The following SH3RF3 variants were observed in gnomAD, a reference collection of about 807,000 sequenced individuals.
SH3RF3 encodes the protein SH3 domain containing ring finger 3.
SH3RF3 carries 29 observed loss-of-function variants against 66.3 expected under a neutral mutation model. That is an observed-to-expected ratio of 0.44 (90% CI 0.33 to 0.60). SH3RF3 has a LOEUF of 0.60. Ranked by LOEUF, SH3RF3 falls within the 20% of genes least tolerant of loss-of-function variation. The pLI, the probability that SH3RF3 is intolerant of heterozygous loss-of-function variation, is 0.04. For missense variants in SH3RF3, 1,194 were observed against 1,190.9 expected, an observed-to-expected ratio of 1.00 and a Z score of -0.04; for synonymous variants, 583 against 532.0, an observed-to-expected ratio of 1.10 and a Z score of -1.32.
intron 7 of SH3RF3, among the ~76,000 whole-genome samples, chr2:109,437,982 A>G (rs952760346): frequency 6.6e-6 from 1 of 152,162 alleles, no homozygotes; most frequent in Non-Finnish European, 1.5e-5. Flanking sequence ...TCCCACCCCA[A>G]CCCTGTCCTC....
At chr2:109,184,271 C>T (rs950560242) in intron 1 of SH3RF3, among the ~76,000 whole-genome samples, 1 of 152,198 alleles carries the variant, frequency 6.6e-6, no homozygotes, top group Non-Finnish European at 1.5e-5. Flanking sequence ...AAGCAGTGTT[C>T]AACTCTGTTC....
chr2:109,168,113 C>T (rs1021704649), intron 1 of SH3RF3, among the ~76,000 whole-genome samples: 4 of 152,124 alleles, frequency 2.6e-5, no homozygotes, highest in South Asian at 2.1e-4. Context: ...TTTTATGATG[C>T]GTTGAGTGCC....
rs549198832 is a variant in SH3RF3, at chr2:109,271,340, A to G, written c.574-76334A>G. Reference sequence around the variant, plus strand: ...CTTCCTCAGAGACACAGCTCCTCCCAGGAGGAACCTAGAGGGATGTGCAAA... The same window carrying G: ...CTTCCTCAGAGACACAGCTCCTCCCGGGAGGAACCTAGAGGGATGTGCAAA... On this transcript the variant is annotated intron_variant, in intron 1 of 9. Coordinates refer to ENST00000309415, the MANE Select transcript of SH3RF3 (RefSeq NM_001099289.3). Among the ~76,000 whole-genome samples, 6 of 152,348 alleles carry G rather than the reference A, an allele frequency of 3.9e-5. No homozygotes were observed. The East Asian group carries it at 1.2e-3, about 29-fold the overall frequency.
rs1676825894 is a variant in SH3RF3 at position 109,419,867 on chromosome 2, G to A, written c.1403+225G>A. On this transcript the variant is annotated intron_variant, in intron 5 of 9. Transcript: ENST00000309415. ...CTAGGACATTTCTTCTAAGCAGGGA[G>A]GATATTCAGAGTATTCACAGTGCAG... is the stretch of plus-strand genomic sequence containing the variant. Among the ~76,000 whole-genome samples, 5 of 152,242 alleles carry A rather than the reference G, an allele frequency of 3.3e-5. No individual in the cohort carries two copies. The South Asian group carries it at 1.0e-3, about 31-fold the overall frequency.
chr2:109,479,763 CCA>C (rs1053073218), intron 8 of SH3RF3, among the ~76,000 whole-genome samples: 1 of 152,178 alleles, frequency 6.6e-6, no homozygotes, highest in African/African-American at 2.4e-5. Context: ...AGCCAATTAT[CCA>C]CACTGCTCTT....
chr2:109,310,646 A>T (rs1445629483), intron 1 of SH3RF3, among the ~76,000 whole-genome samples: 1 of 63,142 alleles, frequency 1.6e-5, no homozygotes, highest in Non-Finnish European at 2.6e-5. Context: ...ACAATAAAAA[A>T]TGATAAAGGG....
intron 9 of SH3RF3, among the ~76,000 whole-genome samples, chr2:109,492,247 G>A (rs1679148073): frequency 6.6e-6 from 1 of 152,182 alleles, no homozygotes; most frequent in Non-Finnish European, 1.5e-5. Context: ...TTCAAAATGT[G>A]ACAACATTCA....
chr2:109,393,113 A>T (rs1320286537), intron 3 of SH3RF3, among the ~76,000 whole-genome samples: 1 of 152,212 alleles, frequency 6.6e-6, no homozygotes, highest in Non-Finnish European at 1.5e-5. Context: ...CAAAAGCTTC[A>T]GGCAGGCAAA....
chr2:109,248,887 T>TTCCTG (rs149003864), intron 1 of SH3RF3, among the ~76,000 whole-genome samples: 33 of 145,964 alleles, frequency 2.3e-4, no homozygotes, highest in South Asian at 1.4e-3. Context: ...TTCCTGTCCT[T>TTCCTG]TCCTGTCCTG....
In SH3RF3 at chr2:109,419,533, T is replaced by C; in HGVS notation, c.1300-6T>C. ...CTCACTCCTGTCCCCTCTTGTCTGT[T>C]TCCAGGATGTCTCCTCCTCGGCGGG... is the stretch of plus-strand genomic sequence containing the variant. On this transcript the variant is annotated splice_polypyrimidine_tract_variant and splice_region_variant and intron_variant, in intron 4 of 9. Coordinates refer to ENST00000309415, the MANE Select transcript of SH3RF3 (RefSeq NM_001099289.3). 6.3e-7 allele frequency: 1 copy of C among 1,588,250 alleles called. No homozygotes were observed. The highest frequency in any genetic ancestry group is 1.3e-5 in the African/African-American group (1 of 74,610).
Position 109,309,931 on chromosome 2 carries a change from A to G in SH3RF3, c.574-37743A>G, listed in dbSNP as rs1196434016. Among the ~76,000 whole-genome samples, 2 of 123,312 alleles carry G rather than the reference A, an allele frequency of 1.6e-5. 1 individual carries two copies. Among genetic ancestry groups the G allele is most frequent in the African/African-American group, 8.3e-5 (2 of 24,172 alleles). 80.9% of individuals were successfully genotyped at this position (123,312 alleles called of 152,430 possible). ...CCCACTGTCAACATTAGACAGATCA[A>G]CGAGACAGAAAGTCAACAAGGATAC... On this transcript the variant is annotated intron_variant, in intron 1 of 9. Coordinates refer to ENST00000309415, the MANE Select transcript of SH3RF3 (RefSeq NM_001099289.3).
At position 109,249,580 on chromosome 2, in the gene SH3RF3, CTTCCT is replaced by C. The variant is rs1553491281; in HGVS notation, c.574-98085_574-98081del. Among the ~76,000 whole-genome samples the C allele has an allele frequency of 1.1e-3, 112 of 102,632 alleles. 1 individual carries two copies. Among genetic ancestry groups the C allele is most frequent in the South Asian group, 2.2e-3 (8 of 3,568 alleles). The allele number at this position is 102,632 out of a possible 152,430, so 67.3% of individuals were successfully genotyped here. ...CCTTCCTTCCTTCCTTCCTTCCTTC[CTTCCT>C]TTCCTTTCTTTCTTTTTCTTTCTTT... is the stretch of plus-strand genomic sequence containing the variant. On this transcript the variant is annotated intron_variant, in intron 1 of 9. Coordinates refer to ENST00000309415, the MANE Select transcript of SH3RF3 (RefSeq NM_001099289.3).
At chr2:109,375,737 A>G (rs1397419977) in intron 3 of SH3RF3, among the ~76,000 whole-genome samples, 2 of 152,230 alleles carry the variant, frequency 1.3e-5, no homozygotes, top group Non-Finnish European at 2.9e-5. Flanking sequence ...GCACCCCTGC[A>G]GCCCCCCTCT....
intron 8 of SH3RF3, among the ~76,000 whole-genome samples, chr2:109,487,132 A>G (rs1319421761): frequency 6.6e-6 from 1 of 152,186 alleles, no homozygotes; most frequent in African/African-American, 2.4e-5. Context: ...GCTCCTGAAC[A>G]TTGCTTGCTT....
chr2:109,307,655 T>C (rs1681629928), intron 1 of SH3RF3, among the ~76,000 whole-genome samples: 1 of 142,008 alleles, frequency 7.0e-6, no homozygotes, highest in South Asian at 2.3e-4. Context: ...TTCCCACCTA[T>C]GAGTGAGAAT....
chr2:109,143,497 C>CT (rs1677014786), intron 1 of SH3RF3, among the ~76,000 whole-genome samples: 1 of 152,082 alleles, frequency 6.6e-6, no homozygotes, highest in Non-Finnish European at 1.5e-5. Context: ...AATCTCAGAA[C>CT]TTTAGGAGGT....
chr2:109,197,813 A>G (rs766493751), intron 1 of SH3RF3, among the ~76,000 whole-genome samples: 11 of 152,336 alleles, frequency 7.2e-5, no homozygotes, highest in Non-Finnish European at 1.6e-4. Flanking sequence ...AAAAAATGCT[A>G]TGGTGGGTTG....
chr2:109,316,456 A>G (rs17035432), intron 1 of SH3RF3, among the ~76,000 whole-genome samples: 47,393 of 152,020 alleles, frequency 0.31, 9,148 homozygotes, highest in African/African-American at 0.55. Flanking sequence ...TGTGATCTTC[A>G]CTACACACAG....
intron 1 of SH3RF3, among the ~76,000 whole-genome samples, chr2:109,170,244 T>TTTCTCTTCTCTTCTCTTCTC (rs1206279912): frequency 6.4e-4 from 21 of 32,978 alleles, no homozygotes; most frequent in East Asian, 1.8e-3. Flanking sequence ...CTTCTTTTCT[T>TTTCTCTTCTCTTCTCTTCTC]TTCTCTTCTC....
Sources: allele counts gnomAD v4.1 joint callset (sites outside exome capture counted in the v4.1 genomes callset), GRCh38; gene constraint gnomAD v4.1.1; transcripts MANE v1.5; gene names NCBI Gene and HGNC (gene_info 2026-07-23, HGNC 2026-07-21).